The following BRINP1 variants were observed in gnomAD, a reference collection of about 807,000 sequenced individuals.
BRINP1 encodes BMP/retinoic acid-inducible neural-specific protein 1.
In BRINP1, 17 loss-of-function variants were observed where a neutral mutation model predicts 72.9. The observed-to-expected ratio is 0.23, with a 90% CI of 0.16 to 0.35. BRINP1 has a LOEUF of 0.35. Among genes scored for constraint, BRINP1 ranks in the 10% least tolerant of loss-of-function variants. The pLI, the probability that BRINP1 is intolerant of heterozygous loss-of-function variation, is 1.00. For missense variants in BRINP1, 850 were observed against 1,001.6 expected (o/e 0.85, Z 2.04); for synonymous variants, 418 against 378.5 (o/e 1.10, Z -1.21).
At chr9:119,271,403 T>C (rs1368143183) in intron 2 of BRINP1, among the ~76,000 whole-genome samples, 5 of 151,980 alleles carry the variant, frequency 3.3e-5, no homozygotes, top group Non-Finnish European at 5.9e-5. Context: ...TTAGAGAATA[T>C]TGAGGATACT....
chr9:119,319,639 T>C (rs922210638), intron 1 of BRINP1, among the ~76,000 whole-genome samples: 1 of 152,334 alleles, frequency 6.6e-6, no homozygotes, highest in Non-Finnish European at 1.5e-5. Flanking sequence ...TTTAAAATGG[T>C]TTATTTTCTT....
At chr9:119,333,130 A>T (rs1206819699) in intron 1 of BRINP1, among the ~76,000 whole-genome samples, 2 of 151,606 alleles carry the variant, frequency 1.3e-5, no homozygotes, top group African/African-American at 4.9e-5. Context: ...TCTTTAATCT[A>T]GTGTGGCTTG....
chr9:119,355,956 C>T (rs1831560371), intron 1 of BRINP1, among the ~76,000 whole-genome samples: 1 of 152,028 alleles, frequency 6.6e-6, no homozygotes, highest in Admixed American at 6.5e-5. Context: ...AAAGCATTTG[C>T]ACCTTCTTTT....
At chr9:119,180,459 G>A (rs746619099) in intron 7 of BRINP1, among the ~76,000 whole-genome samples, 1 of 147,136 alleles carries the variant, frequency 6.8e-6, no homozygotes, top group African/African-American at 2.5e-5. Flanking sequence ...TAGTTGTGCT[G>A]TGTGTGACTC....
At chr9:119,340,819 G>C (rs747100255) in intron 1 of BRINP1, among the ~76,000 whole-genome samples, 1 of 152,144 alleles carries the variant, frequency 6.6e-6, no homozygotes, top group Non-Finnish European at 1.5e-5. Context: ...CTTTTTAAAT[G>C]TATCAGTCCT....
intron 2 of BRINP1, among the ~76,000 whole-genome samples, chr9:119,275,951 G>A (rs1002262205): frequency 6.6e-6 from 1 of 151,988 alleles, no homozygotes; most frequent in Non-Finnish European, 1.5e-5. Flanking sequence ...TCTGCCCTTC[G>A]TTTCTCTCCT....
intron 7 of BRINP1, among the ~76,000 whole-genome samples, chr9:119,194,953 CATAGTT>C (rs1454933985): frequency 6.6e-6 from 1 of 152,180 alleles, no homozygotes; most frequent in Admixed American, 6.5e-5. Context: ...TAAAAATTAA[CATAGTT>C]ATTCTGGACA....
At chr9:119,181,354 G>A (rs1195292809) in intron 7 of BRINP1, among the ~76,000 whole-genome samples, 1 of 152,280 alleles carries the variant, frequency 6.6e-6, no homozygotes, top group South Asian at 2.1e-4. Flanking sequence ...GTGATCACAG[G>A]TGAGAGAGTA....
At chr9:119,321,548 C>G (rs539546584) in intron 1 of BRINP1, among the ~76,000 whole-genome samples, 6 of 151,940 alleles carry the variant, frequency 3.9e-5, no homozygotes, top group African/African-American at 1.2e-4. Flanking sequence ...GCTGGAGTGC[C>G]GTGGCACAAA....
At chr9:119,212,639 T>A (rs1002144438) in intron 6 of BRINP1, among the ~76,000 whole-genome samples, 1 of 152,222 alleles carries the variant, frequency 6.6e-6, no homozygotes, top group Non-Finnish European at 1.5e-5. Context: ...GTGGCTATTA[T>A]AACAGATTTA....
rs762682862 is a variant in BRINP1 at position 119,248,982 on chromosome 9, C to T, written c.387G>A (p.Leu129=). ...DTIIKKYGTH[L]LISATLGGEE... is the part of the protein sequence containing the mutation. ...TACCTCCCAATGTGGCTGAGATGAGCAGGTGGGTGCCGTACTTTTTGATGA... is the reference window on the plus strand; with the variant it reads ...TACCTCCCAATGTGGCTGAGATGAGTAGGTGGGTGCCGTACTTTTTGATGA... The change falls in exon 3 of 8, where the codon CTG becomes CTA. Residue 129 remains leucine, a synonymous_variant. Transcript: ENST00000265922. The T allele has an allele frequency of 3.8e-5, 61 of 1,613,224 alleles. 1 individual carries two copies. The highest frequency in any genetic ancestry group is 3.3e-4 in the South Asian group (30 of 90,954).
At chr9:119,300,111 G>T (rs533633732) in intron 2 of BRINP1, among the ~76,000 whole-genome samples, 3 of 152,082 alleles carry the variant, frequency 2.0e-5, no homozygotes, top group Non-Finnish European at 4.4e-5. Flanking sequence ...GAAATCAATA[G>T]ATTTATCTGC....
chr9:119,311,663 C>G (rs936312385), intron 2 of BRINP1, among the ~76,000 whole-genome samples: 1 of 152,184 alleles, frequency 6.6e-6, no homozygotes, highest in African/African-American at 2.4e-5. Flanking sequence ...GTCACAAGAC[C>G]AGTGCGTGAA....
intron 7 of BRINP1, among the ~76,000 whole-genome samples, chr9:119,178,088 G>C (rs1035760444): frequency 6.6e-6 from 1 of 152,178 alleles, no homozygotes; most frequent in African/African-American, 2.4e-5. Context: ...ACAGGCTATG[G>C]AGGAGACCCT....
chr9:119,339,478 G>A (rs932713510), intron 1 of BRINP1, among the ~76,000 whole-genome samples: 4 of 152,278 alleles, frequency 2.6e-5, no homozygotes, highest in East Asian at 1.9e-4. Context: ...TGGGTCAACC[G>A]TATATCATCA....
intron 2 of BRINP1, among the ~76,000 whole-genome samples, chr9:119,250,601 T>A (rs989174367): frequency 2.0e-5 from 3 of 152,200 alleles, no homozygotes; most frequent in Non-Finnish European, 4.4e-5. Flanking sequence ...TTTTATAACT[T>A]TATTTTCTCA....
intron 5 of BRINP1, among the ~76,000 whole-genome samples, chr9:119,233,911 T>C (rs1165569980): frequency 6.6e-6 from 1 of 152,224 alleles, no homozygotes; most frequent in Non-Finnish European, 1.5e-5. Context: ...CTCATTTACG[T>C]CTAACTTGTT....
At chr9:119,183,066 C>T (rs1283956402) in intron 7 of BRINP1, among the ~76,000 whole-genome samples, 1 of 152,130 alleles carries the variant, frequency 6.6e-6, no homozygotes, top group Non-Finnish European at 1.5e-5. Context: ...TAGGCTACTG[C>T]TAGGAACAAA....
chr9:119,196,670 C>A (rs549902453), intron 7 of BRINP1, among the ~76,000 whole-genome samples: 2 of 152,294 alleles, frequency 1.3e-5, no homozygotes, highest in East Asian at 3.9e-4. Flanking sequence ...CTTGGGTGAT[C>A]CTCTCAATAA....
Sources: allele counts gnomAD v4.1 joint callset (sites outside exome capture counted in the v4.1 genomes callset), GRCh38; gene constraint gnomAD v4.1.1; transcripts MANE v1.5; gene names NCBI Gene and HGNC (gene_info 2026-07-23, HGNC 2026-07-21).